GABRB2: variants seen among roughly 807,000 people sequenced by gnomAD.
The protein encoded by GABRB2 is gamma-aminobutyric acid receptor subunit beta-2.
In GABRB2, 16 loss-of-function variants were observed where a neutral mutation model predicts 54.7. The ratio of observed to expected loss-of-function variants is 0.29; its 90% CI spans 0.20 to 0.44. The LOEUF (loss-of-function observed/expected upper bound fraction) is 0.44, where lower values mean the gene tolerates loss of function less well. GABRB2 is among the 20% of genes least tolerant of loss of function. GABRB2 has a pLI of 1.00. For missense variants in GABRB2, 355 were observed against 644.0 expected, an observed-to-expected ratio of 0.55 and a Z score of 4.86; for synonymous variants, 244 against 233.8, an observed-to-expected ratio of 1.04 and a Z score of -0.40.
At chr5:161,512,851 C>T (rs927521265) in intron 3 of GABRB2, among the ~76,000 whole-genome samples, 2 of 151,374 alleles carry the variant, frequency 1.3e-5, no homozygotes, top group Admixed American at 6.6e-5. Flanking sequence ...ACAAGGAATT[C>T]ATATGATTAA....
chr5:161,401,070 C>A (rs1756173033), intron 5 of GABRB2, among the ~76,000 whole-genome samples: 2 of 152,104 alleles, frequency 1.3e-5, no homozygotes, highest in African/African-American at 4.8e-5. Context: ...TTGACCACTG[C>A]CAGGATGATA....
intron 4 of GABRB2, among the ~76,000 whole-genome samples, chr5:161,434,333 CA>C: frequency 6.6e-6 from 1 of 152,156 alleles, no homozygotes; most frequent in Middle Eastern, 3.4e-3. Context: ...TCTAGGTTAT[CA>C]AAAAGACAAG....
At chr5:161,353,714 G>A (rs998407222) in intron 5 of GABRB2, among the ~76,000 whole-genome samples, 2 of 151,950 alleles carry the variant, frequency 1.3e-5, no homozygotes, top group Non-Finnish European at 2.9e-5. Context: ...TGGTGTCTTT[G>A]TGCTGACCCT....
chr5:161,505,080 C>T (rs1258107598), intron 3 of GABRB2, among the ~76,000 whole-genome samples: 2 of 151,210 alleles, frequency 1.3e-5, no homozygotes, highest in Admixed American at 6.6e-5. Flanking sequence ...AAGAGTCCAA[C>T]ATTCTGAAGT....
At chr5:161,301,451 A>T (rs920173673) in intron 9 of GABRB2, among the ~76,000 whole-genome samples, 2 of 152,000 alleles carry the variant, frequency 1.3e-5, no homozygotes, top group Non-Finnish European at 2.9e-5. Context: ...GACATTAAAG[A>T]AAGACAATTT....
At chr5:161,361,415 G>A (rs1754805698) in intron 5 of GABRB2, among the ~76,000 whole-genome samples, 1 of 151,836 alleles carries the variant, frequency 6.6e-6, no homozygotes, top group Admixed American at 6.6e-5. Flanking sequence ...GGATATAATT[G>A]CATGATATCT....
upstream of GABRB2, chr5:161,546,863 A>T: frequency 2.1e-6 from 2 of 938,622 alleles, no homozygotes; most frequent in Non-Finnish European, 2.9e-6. Flanking sequence ...TAATACATAC[A>T]TATTTGAATA....
At chr5:161,461,775 C>G (rs1418668279) in intron 3 of GABRB2, among the ~76,000 whole-genome samples, 1 of 152,120 alleles carries the variant, frequency 6.6e-6, no homozygotes, top group South Asian at 2.1e-4. Flanking sequence ...TCTCTGCAAC[C>G]TGAGAGGCTA....
intron 9 of GABRB2, among the ~76,000 whole-genome samples, chr5:161,308,909 C>T (rs1306672566): frequency 6.6e-6 from 1 of 152,040 alleles, no homozygotes; most frequent in African/African-American, 2.4e-5. Context: ...GATAAAAACC[C>T]AGAAAACAAC....
intron 4 of GABRB2, among the ~76,000 whole-genome samples, chr5:161,412,532 C>T (rs996607865): frequency 2.0e-5 from 3 of 152,146 alleles, no homozygotes; most frequent in Non-Finnish European, 2.9e-5. Flanking sequence ...ACCGTCAGAT[C>T]TTTTAAAAAC....
intron 4 of GABRB2, among the ~76,000 whole-genome samples, chr5:161,411,553 C>T (rs774000390): frequency 6.6e-6 from 1 of 152,162 alleles, no homozygotes. Context: ...ATATAACACA[C>T]AATCAGCCAT....
chr5:161,514,501 T>A (rs1297209295), intron 3 of GABRB2, among the ~76,000 whole-genome samples: 1 of 152,126 alleles, frequency 6.6e-6, no homozygotes, highest in East Asian at 1.9e-4. Context: ...CTAGAGCAAA[T>A]GCTTAATGAG....
chr5:161,313,184 T>G (rs1200742394), intron 9 of GABRB2, among the ~76,000 whole-genome samples: 1 of 152,186 alleles, frequency 6.6e-6, no homozygotes, highest in African/African-American at 2.4e-5. Flanking sequence ...AGGCCTGGAA[T>G]AGAGTCTCGT....
intron 3 of GABRB2, among the ~76,000 whole-genome samples, chr5:161,505,297 AT>A (rs1294472251): frequency 6.6e-6 from 1 of 151,770 alleles, no homozygotes; most frequent in African/African-American, 2.4e-5. Context: ...CGCCCGACAA[AT>A]TTTTGTATTT....
intron 4 of GABRB2, among the ~76,000 whole-genome samples, chr5:161,438,667 T>G (rs1399393419): frequency 6.6e-6 from 1 of 151,798 alleles, no homozygotes; most frequent in Non-Finnish European, 1.5e-5. Flanking sequence ...AGAGAAGAAG[T>G]TCAGAACTCT....
At chr5:161,509,138 C>T (rs192575820) in intron 3 of GABRB2, among the ~76,000 whole-genome samples, 19 of 151,928 alleles carry the variant, frequency 1.3e-4, no homozygotes, top group East Asian at 3.9e-4. Flanking sequence ...ACATAAAACA[C>T]GGCATGGAAA....
intron 9 of GABRB2, among the ~76,000 whole-genome samples, chr5:161,308,293 G>A (rs996915203): frequency 3.3e-5 from 5 of 152,106 alleles, no homozygotes; most frequent in African/African-American, 1.2e-4. Context: ...GTCAGTCTTG[G>A]TACCTCCCCT....
At chr5:161,418,893 G>A (rs1171549587) in intron 4 of GABRB2, among the ~76,000 whole-genome samples, 3 of 152,138 alleles carry the variant, frequency 2.0e-5, no homozygotes, top group Middle Eastern at 3.4e-3. Flanking sequence ...TTGGGATGCC[G>A]AGGAGGGCAG....
chr5:161,538,101 T>C (rs1760700554), intron 3 of GABRB2, among the ~76,000 whole-genome samples: 1 of 152,148 alleles, frequency 6.6e-6, no homozygotes, highest in African/African-American at 2.4e-5. Context: ...TTGTTCCAAA[T>C]GGTGAATGCC....
Sources: allele counts gnomAD v4.1 joint callset (sites outside exome capture counted in the v4.1 genomes callset), GRCh38; gene constraint gnomAD v4.1.1; transcripts MANE v1.5; gene names NCBI Gene and HGNC (gene_info 2026-07-23, HGNC 2026-07-21).